The following MED13L variants were observed in gnomAD, a reference collection of about 807,000 sequenced individuals.
The protein encoded by MED13L is mediator complex subunit 13L.
In MED13L, 7 loss-of-function variants were observed where a neutral mutation model predicts 220.9. That is an observed-to-expected ratio of 0.03 (90% CI 0.02 to 0.06). MED13L has a LOEUF of 0.06. Ranked by LOEUF, MED13L falls within the 10% of genes least tolerant of loss-of-function variation. MED13L has a pLI of 1.00. For missense variants in MED13L, 1,965 were observed against 2,760.5 expected (o/e 0.71, Z 6.46); for synonymous variants, 1,011 against 1,015.2 (o/e 1.00, Z 0.08).
Position 116,101,398 on chromosome 12 carries a change from A to G in MED13L, c.396-4646T>C, listed in dbSNP as rs192914838. On this transcript the variant is annotated intron_variant, in intron 3 of 30. Coordinates refer to ENST00000281928, the MANE Select transcript of MED13L (RefSeq NM_015335.5). ...AATAAATATATGAGAAATGAATGCCATATACCAAGGAGTATTTTCCTATTC... is the reference window on the plus strand; with the variant it reads ...AATAAATATATGAGAAATGAATGCCGTATACCAAGGAGTATTTTCCTATTC... Among the ~76,000 whole-genome samples the G allele has an allele frequency of 4.0e-3, 612 of 152,338 alleles. 6 individuals carry two copies. Among genetic ancestry groups the G allele is most frequent in the African/African-American group, 0.014 (588 of 41,578 alleles).
intron 23 of MED13L, among the ~76,000 whole-genome samples, chr12:115,976,862 G>C (rs1592906557): frequency 6.6e-6 from 1 of 152,052 alleles, no homozygotes; most frequent in Non-Finnish European, 1.5e-5. Context: ...TCTCCTTTTT[G>C]TAAAAATGTA....
At position 116,119,816 on chromosome 12, in the gene MED13L, A is replaced by T. The variant is rs1245053359; in HGVS notation, c.311-8304T>A. Among the ~76,000 whole-genome samples, 215 of 67,378 alleles carry T rather than the reference A, an allele frequency of 3.2e-3. 1 individual carries two copies. Among genetic ancestry groups the T allele is most frequent in the Non-Finnish European group, 5.0e-3 (167 of 33,358 alleles). 44.2% of individuals were successfully genotyped at this position (67,378 alleles called of 152,430 possible). On this transcript the variant is annotated intron_variant, in intron 2 of 30. Transcript: ENST00000281928. ...AGAAAGACCCCATATCTTTAAAAAA[A>T]AAAAAAAAAAAAAAAAAAAAAAATA...
intron 13 of MED13L, 137 bp from the exon 14 acceptor site, chr12:116,003,239 C>T (rs1878855016): frequency 1.4e-6 from 1 of 726,564 alleles, no homozygotes; most frequent in Non-Finnish European, 2.4e-6. Context: ...GAAATACCAA[C>T]AGATAGTGAA....
chr12:116,006,266 T>C, intron 12 of MED13L, 40 bp downstream of exon 12: 1 of 1,557,462 alleles, frequency 6.4e-7, no homozygotes, highest in Non-Finnish European at 8.9e-7. Flanking sequence ...CATTTCATTT[T>C]AGCAACAATC....
intron 4 of MED13L, among the ~76,000 whole-genome samples, chr12:116,052,253 T>C (rs577488986): frequency 6.6e-6 from 1 of 152,196 alleles, no homozygotes; most frequent in Non-Finnish European, 1.5e-5. Flanking sequence ...CTCAAAGACA[T>C]GACCTTACAC....
intron 4 of MED13L, among the ~76,000 whole-genome samples, chr12:116,081,860 C>T (rs958164224): frequency 1.3e-5 from 2 of 152,260 alleles, no homozygotes; most frequent in East Asian, 3.9e-4. Flanking sequence ...GAATGAGAAC[C>T]TGTCTCAAAA....
rs752400575 is a variant in MED13L at position 116,008,612 on chromosome 12, G to C, written c.1801C>G (p.Leu601Val). 1 of 1,614,078 alleles carries C rather than the reference G, an allele frequency of 6.2e-7. No homozygotes were observed. Among genetic ancestry groups the C allele is most frequent in the Admixed American group, 1.7e-5 (1 of 60,010 alleles). ...ATGAGAGGCAGTCTTTGGCCTACGA[G>C]GACAGTTCTGTCATCCAGAGTAGAC... ...QLSTLDDRTV[L>V]VGQRLPLMAE... is the part of the protein sequence containing the mutation. Residue 601 changes from leucine to valine, a missense_variant, in exon 10 of 31, where the codon CTC becomes GTC. Leu to Val is a conservative substitution (Grantham distance 32). Coordinates refer to ENST00000281928, the MANE Select transcript of MED13L (RefSeq NM_015335.5).
At chr12:116,102,710 CTTTT>C (rs869201518) in intron 3 of MED13L, among the ~76,000 whole-genome samples, 29 of 68,668 alleles carry the variant, frequency 4.2e-4, no homozygotes, top group East Asian at 3.1e-3. Flanking sequence ...TTTCTTTTTT[CTTTT>C]TTTTTTTTTT....
intron 4 of MED13L, among the ~76,000 whole-genome samples, chr12:116,039,843 ATTAG>A (rs1467279050): frequency 6.6e-6 from 1 of 152,122 alleles, no homozygotes; most frequent in Non-Finnish European, 1.5e-5. Context: ...GGTAAGACAC[ATTAG>A]TTAGTATGGA....
chr12:116,063,886 T>C (rs1432059617), intron 4 of MED13L, among the ~76,000 whole-genome samples: 2 of 152,068 alleles, frequency 1.3e-5, no homozygotes, highest in African/African-American at 4.8e-5. Flanking sequence ...TTAAGTGCCT[T>C]ATATAAAATG....
In MED13L at chr12:116,155,977, A is replaced by G. The variant is rs1878392574; in HGVS notation, c.311-44465T>C. On this transcript the variant is annotated intron_variant, in intron 2 of 30. Coordinates refer to ENST00000281928, the MANE Select transcript of MED13L (RefSeq NM_015335.5). Reference sequence around the variant, plus strand: ...TCCATTATTGTGTATATAAATTTATACTCTATTTTTCTTACTCAACTCAAT... The same window carrying G: ...TCCATTATTGTGTATATAAATTTATGCTCTATTTTTCTTACTCAACTCAAT... Among the ~76,000 whole-genome samples the G allele has an allele frequency of 2.0e-5, 3 of 151,450 alleles. No individual in the cohort carries two copies. The South Asian group carries it at 6.3e-4, about 32-fold the overall frequency.
At position 116,276,473 on chromosome 12, in the gene MED13L, G is replaced by GT. The variant is rs1210331698; in HGVS notation, c.72+586dup. 6.2e-6 allele frequency: 8 copies of GT among 1,288,838 alleles called. No individual in the cohort carries two copies. In the South Asian group the frequency reaches 7.4e-5, roughly 12 times the overall value. 79.8% of individuals were successfully genotyped at this position (1,288,838 alleles called of 1,614,324 possible). A position where few individuals can be genotyped will look rare whatever the true frequency, so the allele number is the denominator to read the frequency against. On this transcript the variant is annotated intron_variant, in intron 1 of 30. Coordinates refer to ENST00000281928, the MANE Select transcript of MED13L (RefSeq NM_015335.5). ...AATGGCTTTACGGCTCTCCAGCATA[G>GT]TAAGCCCCGAGAGGCAGGCGGCTGT...
intron 4 of MED13L, among the ~76,000 whole-genome samples, chr12:116,077,972 G>A (rs1422767188): frequency 6.6e-6 from 1 of 151,834 alleles, no homozygotes; most frequent in Non-Finnish European, 1.5e-5. Context: ...GGCCAAGATG[G>A]TCTCTACTAA....
At chr12:115,992,842 C>G (rs1181766713) in intron 16 of MED13L, among the ~76,000 whole-genome samples, 1 of 152,152 alleles carries the variant, frequency 6.6e-6, no homozygotes, top group Non-Finnish European at 1.5e-5. Context: ...GCAGTGACTT[C>G]TTTTTGGAAC....
At chr12:116,087,011 A>G (rs1871752565) in intron 4 of MED13L, among the ~76,000 whole-genome samples, 1 of 152,228 alleles carries the variant, frequency 6.6e-6, no homozygotes, top group African/African-American at 2.4e-5. Context: ...AGAAAGATTT[A>G]TAGTAGAAAC....
At chr12:115,988,979 C>T (rs945013856) in intron 17 of MED13L, among the ~76,000 whole-genome samples, 1 of 152,148 alleles carries the variant, frequency 6.6e-6, no homozygotes, top group Non-Finnish European at 1.5e-5. Flanking sequence ...GTGCTTGAAC[C>T]TAAGCAGTTA....
At chr12:115,982,656 C>A (rs531653858) in intron 21 of MED13L, 53 bp from the exon 22 acceptor site, 5 of 1,458,426 alleles carry the variant, frequency 3.4e-6, no homozygotes, top group Admixed American at 3.6e-5. Flanking sequence ...ATTACACGAA[C>A]ATGAAAAACA....
chr12:116,179,760 G>A (rs977935541), intron 2 of MED13L, among the ~76,000 whole-genome samples: 2 of 151,812 alleles, frequency 1.3e-5, no homozygotes, highest in African/African-American at 2.4e-5. Context: ...GAGAACTAAA[G>A]AGATGAGGGC....
chr12:116,037,257 A>G (rs1305498512), intron 4 of MED13L, among the ~76,000 whole-genome samples: 1 of 152,184 alleles, frequency 6.6e-6, no homozygotes, highest in Non-Finnish European at 1.5e-5. Context: ...GAGTGCCTAC[A>G]TGACACCACA....
Sources: allele counts gnomAD v4.1 joint callset (sites outside exome capture counted in the v4.1 genomes callset), GRCh38; gene constraint gnomAD v4.1.1; transcripts MANE v1.5; gene names NCBI Gene and HGNC (gene_info 2026-07-23, HGNC 2026-07-21).